The following UTRN variants were observed in gnomAD, a reference collection of about 807,000 sequenced individuals.
UTRN encodes the protein dystrophin-related protein 1.
Under a neutral mutation model 463.9 loss-of-function variants are expected in UTRN, and 283 were observed. The observed-to-expected ratio is 0.61, with a 90% CI of 0.55 to 0.67. The LOEUF (loss-of-function observed/expected upper bound fraction) is 0.67. UTRN is among the 30% of genes least tolerant of loss of function. The pLI is 0.00. For missense variants in UTRN, 3,922 were observed against 4,084.3 expected (o/e 0.96, Z 1.08); for synonymous variants, 1,442 against 1,431.5 (o/e 1.01, Z -0.17).
At chr6:144,618,663 G>T (rs967026388) in intron 51 of UTRN, among the ~76,000 whole-genome samples, 5 of 152,002 alleles carry the variant, frequency 3.3e-5, no homozygotes, top group Non-Finnish European at 7.4e-5. Flanking sequence ...TTATTTGACA[G>T]ATATTTATTT....
chr6:144,420,175 T>C (rs1159786296), intron 3 of UTRN, among the ~76,000 whole-genome samples: 1 of 152,138 alleles, frequency 6.6e-6, no homozygotes. Flanking sequence ...ATAAAAGAAG[T>C]ATTGGTTAAA....
chr6:144,580,289 T>G (rs1475280368), intron 51 of UTRN, among the ~76,000 whole-genome samples: 1 of 152,130 alleles, frequency 6.6e-6, no homozygotes, highest in Non-Finnish European at 1.5e-5. Flanking sequence ...AGGAGCTCCG[T>G]GTATCTTTGC....
chr6:144,655,428 A>G (rs1257643338), intron 51 of UTRN, among the ~76,000 whole-genome samples: 1 of 152,254 alleles, frequency 6.6e-6, no homozygotes, highest in Non-Finnish European at 1.5e-5. Context: ...GGTTATGAAA[A>G]GGAGAATTGT....
chr6:144,693,736 A>ATT (rs200451713), intron 52 of UTRN, among the ~76,000 whole-genome samples: 22 of 152,046 alleles, frequency 1.4e-4, no homozygotes, highest in African/African-American at 5.1e-4. Context: ...TTGCACATTG[A>ATT]TTTTTTTTAT....
intron 6 of UTRN, among the ~76,000 whole-genome samples, chr6:144,425,007 A>G (rs933485314): frequency 1.5e-4 from 23 of 152,244 alleles, no homozygotes; most frequent in African/African-American, 4.3e-4. Flanking sequence ...TAATCTACAG[A>G]TCTTAAGATT....
chr6:144,448,473 A>T, intron 16 of UTRN, 127 bp from the exon 17 acceptor site: 1 of 1,087,162 alleles, frequency 9.2e-7, no homozygotes, highest in Non-Finnish European at 1.3e-6. Context: ...GAGGATGATT[A>T]TACAACTGTA....
At chr6:144,529,845 C>T (rs1046143509) in intron 41 of UTRN, among the ~76,000 whole-genome samples, 6 of 152,062 alleles carry the variant, frequency 3.9e-5, no homozygotes, top group African/African-American at 1.2e-4. Flanking sequence ...TTCTAAAACT[C>T]AGCTCCATTA....
intron 51 of UTRN, among the ~76,000 whole-genome samples, chr6:144,587,956 G>A (rs1001792480): frequency 1.3e-5 from 2 of 152,154 alleles, no homozygotes; most frequent in Non-Finnish European, 2.9e-5. Flanking sequence ...TACAGAAACT[G>A]TGTGAAGGTT....
At chr6:144,592,393 G>T (rs951182032) in intron 51 of UTRN, among the ~76,000 whole-genome samples, 13 of 151,652 alleles carry the variant, frequency 8.6e-5, no homozygotes, top group African/African-American at 3.1e-4. Context: ...TTATTTTTTA[G>T]ACAAGAGTCT....
At chr6:144,629,377 G>A (rs977553390) in intron 51 of UTRN, among the ~76,000 whole-genome samples, 3 of 152,194 alleles carry the variant, frequency 2.0e-5, no homozygotes, top group Non-Finnish European at 2.9e-5. Context: ...GATACTTGCT[G>A]TATTGTCTTT....
intron 51 of UTRN, among the ~76,000 whole-genome samples, chr6:144,659,547 G>A (rs1779648115): frequency 6.6e-6 from 1 of 152,176 alleles, no homozygotes; most frequent in Non-Finnish European, 1.5e-5. Context: ...TAGGGAAATG[G>A]ACTGAAACTA....
At chr6:144,677,490 C>T (rs568313689) in intron 51 of UTRN, among the ~76,000 whole-genome samples, 1 of 152,220 alleles carries the variant, frequency 6.6e-6, no homozygotes, top group South Asian at 2.1e-4. Context: ...GTATATGTGC[C>T]ACATTTGCTT....
At chr6:144,500,072 A>G (rs1363008703) in intron 34 of UTRN, among the ~76,000 whole-genome samples, 1 of 152,246 alleles carries the variant, frequency 6.6e-6, no homozygotes, top group Non-Finnish European at 1.5e-5. Context: ...GCTGATGAAC[A>G]TATGAGTGCA....
intron 50 of UTRN, among the ~76,000 whole-genome samples, chr6:144,563,901 T>C (rs978248552): frequency 1.3e-5 from 2 of 152,216 alleles, no homozygotes; most frequent in Non-Finnish European, 2.9e-5. Context: ...AATATCAAAC[T>C]CAAGCATGCG....
intron 51 of UTRN, among the ~76,000 whole-genome samples, chr6:144,654,149 A>G (rs967241977): frequency 2.1e-4 from 32 of 152,228 alleles, no homozygotes; most frequent in African/African-American, 7.0e-4. Context: ...TATTGGTGAT[A>G]TTAGTGAAGA....
At chr6:144,589,658 A>G (rs1585424071) in intron 51 of UTRN, among the ~76,000 whole-genome samples, 2 of 152,170 alleles carry the variant, frequency 1.3e-5, no homozygotes, top group African/African-American at 4.8e-5. Flanking sequence ...TTATTTCCAT[A>G]TGCATTTCCT....
At chr6:144,603,803 G>C (rs560704369) in intron 51 of UTRN, among the ~76,000 whole-genome samples, 10 of 152,182 alleles carry the variant, frequency 6.6e-5, no homozygotes, top group African/African-American at 2.4e-4. Flanking sequence ...TTACAAGAAT[G>C]GGCCCAGCAT....
chr6:144,451,310 G>T, intron 17 of UTRN, 60 bp from the exon 18 acceptor site: 2 of 1,557,172 alleles, frequency 1.3e-6, no homozygotes, highest in Non-Finnish European at 1.7e-6. Context: ...GCTCTTTCTG[G>T]AGTCAAGTAA....
At chr6:144,764,756 A>G (rs1267779436) in intron 58 of UTRN, among the ~76,000 whole-genome samples, 1 of 152,238 alleles carries the variant, frequency 6.6e-6, no homozygotes, top group Non-Finnish European at 1.5e-5. Context: ...ATATAACCAT[A>G]TAGAAAAAAA....
Sources: allele counts gnomAD v4.1 joint callset (sites outside exome capture counted in the v4.1 genomes callset), GRCh38; gene constraint gnomAD v4.1.1; transcripts MANE v1.5; gene names NCBI Gene and HGNC (gene_info 2026-07-23, HGNC 2026-07-21).